The following TBCCD1 variants were observed in gnomAD, a reference collection of about 807,000 sequenced individuals.
TBCCD1 encodes TBCC domain containing 1.
Under a neutral mutation model 53.4 loss-of-function variants are expected in TBCCD1, and 26 were observed. That is an observed-to-expected ratio of 0.49 (90% CI 0.36 to 0.68). TBCCD1 has a LOEUF of 0.68. Ranked by LOEUF, TBCCD1 falls within the 30% of genes least tolerant of loss-of-function variation. The pLI, the probability that TBCCD1 is intolerant of heterozygous loss-of-function variation, is 0.00. For missense variants in TBCCD1, 558 were observed against 669.5 expected (o/e 0.83, Z 1.84); for synonymous variants, 245 against 241.7 (o/e 1.01, Z -0.13).
upstream of TBCCD1, among the ~76,000 whole-genome samples, chr3:186,568,627 G>T (rs189639997): frequency 6.6e-6 from 1 of 152,306 alleles, no homozygotes; most frequent in Admixed American, 6.5e-5. Context: ...GAGGCCGGGC[G>T]TGGTGGCTCA....
intron 3 of TBCCD1, 133 bp downstream of exon 3, chr3:186,558,284 A>C: frequency 1.7e-6 from 2 of 1,162,878 alleles, no homozygotes; most frequent in Non-Finnish European, 2.4e-6. Context: ...AATTTAAAAA[A>C]AAAGTGAAAA....
chr3:186,564,847 C>G (rs186567236), intron 1 of TBCCD1, among the ~76,000 whole-genome samples: 8 of 152,304 alleles, frequency 5.3e-5, no homozygotes, highest in African/African-American at 1.9e-4. Context: ...TGTGAGGCAG[C>G]AGGCAAGAAT....
chr3:186,566,304 G>A (rs9821437), intron 1 of TBCCD1, among the ~76,000 whole-genome samples: 10,574 of 152,222 alleles, frequency 0.069, 430 homozygotes, highest in African/African-American at 0.12. Context: ...GCCTTCCAAA[G>A]TGCTGGGATT....
chr3:186,559,863 C>T (rs1714645653), intron 2 of TBCCD1, among the ~76,000 whole-genome samples: 1 of 152,174 alleles, frequency 6.6e-6, no homozygotes, highest in Admixed American at 6.5e-5. Flanking sequence ...AGTCAAGATA[C>T]GAGAACATTT....
At chr3:186,567,793 A>G (rs1714882850), upstream of TBCCD1, among the ~76,000 whole-genome samples, 1 of 152,174 alleles carries the variant, frequency 6.6e-6, no homozygotes, top group African/African-American at 2.4e-5. Flanking sequence ...ACACAACCCT[A>G]AGGTCACACA....
chr3:186,554,349 G>T lies in TBCCD1; in HGVS notation c.1449C>A (p.Pro483=), dbSNP rs776945134. 6.2e-7 allele frequency: 1 copy of T among 1,614,176 alleles called. No homozygotes were observed. The highest frequency in any genetic ancestry group is 2.2e-5 in the East Asian group (1 of 44,888). Residue 483 remains proline (P), a synonymous_variant, in exon 6 of 8, where the codon CCC becomes CCA. Coordinates refer to ENST00000338733, the MANE Select transcript of TBCCD1 (RefSeq NM_018138.5). ...TCTGATATACAGATGGAAGACCCCC[G>T]GGTATCTCTGTTGTGTCCCCTTCCA... ...FEMEGDTTEI[P]GGLPSVYQKA...
intron 1 of TBCCD1, among the ~76,000 whole-genome samples, chr3:186,564,823 A>T (rs1220794479): frequency 1.3e-5 from 2 of 152,232 alleles, no homozygotes; most frequent in Non-Finnish European, 2.9e-5. Context: ...TATAAATTCA[A>T]TATGAAGTGC....
chr3:186,563,331 A>C (rs1454228113), intron 2 of TBCCD1, among the ~76,000 whole-genome samples: 2 of 152,216 alleles, frequency 1.3e-5, no homozygotes, highest in African/African-American at 4.8e-5. Context: ...TTCTTTATTC[A>C]ATTTCTGTAC....
chr3:186,564,164 T>C lies in TBCCD1; in HGVS notation c.166A>G (p.Thr56Ala), dbSNP rs1403360099. The change falls in exon 2 of 8, where the codon ACA becomes GCA. Residue 56 changes from threonine to alanine, a missense_variant. Thr to Ala is a moderately conservative substitution (Grantham distance 58). Transcript: ENST00000338733. ...EGAYPRLYWS[T>A]WRHIACGKLQ... ...TTCCCACAAGCGATGTGCCTCCATG[T>C]AGACCAGTAGAGGCGCGGGTAAGCT... 8.1e-6 allele frequency: 13 copies of C among 1,614,196 alleles called. No homozygotes were observed. Among genetic ancestry groups the C allele is most frequent in the Non-Finnish European group, 1.0e-5 (12 of 1,180,038 alleles).
In TBCCD1 at chr3:186,546,823, T is replaced by G. The variant is rs932714278; in HGVS notation, c.*154A>C. ...TCCAGCCTGGGCGACAGAACAAGAC[T>G]CTGCCTCAAAAAAAAAAAAAAAAAA... On this transcript the variant is annotated 3_prime_UTR_variant, in exon 8 of 8. Transcript: ENST00000338733. 2 of 137,030 alleles carry G rather than the reference T, an allele frequency of 1.5e-5. No homozygotes were observed. Among genetic ancestry groups the G allele is most frequent in the Admixed American group, 1.5e-4 (2 of 13,474 alleles). The allele number at this position is 137,030 out of a possible 1,614,324, so 8.5% of individuals were successfully genotyped here. A position where few individuals can be genotyped will look rare whatever the true frequency, so the allele number is the denominator to read the frequency against.
chr3:186,551,001 G>A (rs771564455), intron 7 of TBCCD1, 128 bp downstream of exon 7: 1 of 838,896 alleles, frequency 1.2e-6, no homozygotes, highest in Non-Finnish European at 1.7e-6. Flanking sequence ...GGTACATAAA[G>A]GTCCGTGTAT....
chr3:186,548,092 C>T (rs1410191512), intron 7 of TBCCD1, among the ~76,000 whole-genome samples: 2 of 152,174 alleles, frequency 1.3e-5, no homozygotes, highest in African/African-American at 4.8e-5. Flanking sequence ...CAGCATTACT[C>T]ACAACAGCTG....
intron 1 of TBCCD1, among the ~76,000 whole-genome samples, chr3:186,566,163 A>G (rs9858594): frequency 0.85 from 129,240 of 151,936 alleles, 55,035 homozygotes; most frequent in Middle Eastern, 0.93. Flanking sequence ...TCAGCCTCTC[A>G]AGTAGCTGGG....
intron 7 of TBCCD1, among the ~76,000 whole-genome samples, chr3:186,549,449 A>G (rs1714307577): frequency 6.6e-6 from 1 of 152,214 alleles, no homozygotes; most frequent in Admixed American, 6.5e-5. Flanking sequence ...AGGCAGGAGG[A>G]ACGCTTTAAG....
At chr3:186,558,306 C>A in intron 3 of TBCCD1, 111 bp downstream of exon 3, 1 of 1,298,522 alleles carries the variant, frequency 7.7e-7, no homozygotes, top group Non-Finnish European at 1.1e-6. Context: ...CAAAACAAGC[C>A]ATCAAATCAC....
intron 2 of TBCCD1, among the ~76,000 whole-genome samples, chr3:186,563,620 G>A (rs1359126333): frequency 6.6e-6 from 1 of 152,236 alleles, no homozygotes; most frequent in Non-Finnish European, 1.5e-5. Context: ...TGCTTTGGGA[G>A]TAGGTGAGTA....
chr3:186,549,894 C>G (rs1479069175), intron 7 of TBCCD1, among the ~76,000 whole-genome samples: 1 of 152,044 alleles, frequency 6.6e-6, no homozygotes, highest in Non-Finnish European at 1.5e-5. Context: ...TGTGAACTAT[C>G]TATTATTGTC....
At chr3:186,570,273 C>A (rs2108470285), upstream of TBCCD1, 7 of 570,898 alleles carry the variant, frequency 1.2e-5, no homozygotes, top group South Asian at 1.5e-4. Flanking sequence ...GCTCATTCGG[C>A]CGCTGTACCT....
At chr3:186,554,162 A>T in intron 6 of TBCCD1, 92 bp downstream of exon 6, 1 of 1,545,840 alleles carries the variant, frequency 6.5e-7, no homozygotes, top group Non-Finnish European at 8.7e-7. Flanking sequence ...ATTTTTTATT[A>T]CTTTAGCACA....
Sources: allele counts gnomAD v4.1 joint callset (sites outside exome capture counted in the v4.1 genomes callset), GRCh38; gene constraint gnomAD v4.1.1; transcripts MANE v1.5; gene names NCBI Gene and HGNC (gene_info 2026-07-23, HGNC 2026-07-21).